Variants in PRKAR1B observed in about 807,000 individuals in gnomAD.
The protein encoded by PRKAR1B is protein kinase cAMP-dependent type I regulatory subunit beta, also known as cAMP-dependent protein kinase type I-beta regulatory subunit.
In PRKAR1B, 22 loss-of-function variants were observed where a neutral mutation model predicts 46.5. That is an observed-to-expected ratio of 0.47 (90% CI 0.34 to 0.68). PRKAR1B has a LOEUF of 0.68. Among genes scored for constraint, PRKAR1B ranks in the 30% least tolerant of loss-of-function variants. The pLI, the probability that PRKAR1B is intolerant of heterozygous loss-of-function variation, is 0.01. For synonymous variants in PRKAR1B, 259 were observed against 217.7 expected (o/e 1.19, Z -1.67); for missense variants, 445 against 535.6 (o/e 0.83, Z 1.67).
chr7:610,858 C>T (rs1303693419), intron 4 of PRKAR1B, among the ~76,000 whole-genome samples: 1 of 152,264 alleles, frequency 6.6e-6, no homozygotes, highest in Non-Finnish European at 1.5e-5. Flanking sequence ...AATCGTCTCA[C>T]ATGTGGGTTG....
intron 1 of PRKAR1B, among the ~76,000 whole-genome samples, chr7:725,617 A>G (rs1485916943): frequency 2.0e-5 from 3 of 152,248 alleles, no homozygotes; most frequent in Non-Finnish European, 4.4e-5. Context: ...AACAAAGATG[A>G]TAACAGCCCT....
chr7:550,239 CT>C lies in PRKAR1B; in HGVS notation c.*190del. 1.7e-6 allele frequency: 1 copy of C among 590,578 alleles called. No individual in the cohort carries two copies. Among genetic ancestry groups the C allele is most frequent in the Non-Finnish European group, 3.0e-6 (1 of 331,960 alleles). 36.6% of individuals were successfully genotyped at this position (590,578 alleles called of 1,614,324 possible). ...TTGGGATGCATTTTGTCCGCTTGTC[CT>C]TTGATTTGGAAATGCACAAGGTGAT... On this transcript the variant is annotated 3_prime_UTR_variant, in exon 11 of 11. Coordinates refer to ENST00000537384, the MANE Select transcript of PRKAR1B (RefSeq NM_001164760.2).
At chr7:575,540 G>C (rs767624568) in intron 9 of PRKAR1B, among the ~76,000 whole-genome samples, 10 of 151,962 alleles carry the variant, frequency 6.6e-5, no homozygotes, top group Non-Finnish European at 1.2e-4. Context: ...ATCTTTTTTT[G>C]TTTTTGGTTT....
intron 9 of PRKAR1B, among the ~76,000 whole-genome samples, chr7:563,809 AG>A: frequency 6.6e-6 from 1 of 151,820 alleles, no homozygotes; most frequent in East Asian, 1.9e-4. Flanking sequence ...GTGTGTGCAC[AG>A]GTGTGCCTGT....
Position 608,995 on chromosome 7 carries a change from T to G in PRKAR1B, c.441-1543A>C, listed in dbSNP as rs1289403581. 1.2e-3 allele frequency among the ~76,000 whole-genome samples: 142 copies of G among 117,002 alleles called. 2 individuals are homozygous for G. Among genetic ancestry groups the G allele is most frequent in the African/African-American group, 2.3e-3 (74 of 31,820 alleles). 76.8% of individuals were successfully genotyped at this position (117,002 alleles called of 152,430 possible). ...CCTCCCACCTGGGGAGGGGTCAGTG[T>G]GTGGCAGGGCTGTAGGGAGGGCCGG... On this transcript the variant is annotated intron_variant, in intron 4 of 10. Coordinates refer to ENST00000537384, the MANE Select transcript of PRKAR1B (RefSeq NM_001164760.2).
At chr7:613,449 T>A (rs1782637193) in intron 4 of PRKAR1B, among the ~76,000 whole-genome samples, 1 of 152,194 alleles carries the variant, frequency 6.6e-6, no homozygotes, top group African/African-American at 2.4e-5. Context: ...TGTGCTTTTC[T>A]GAGTGTGGCA....
intron 3 of PRKAR1B, 88 bp downstream of exon 3, chr7:680,468 G>C: frequency 1.5e-6 from 2 of 1,315,064 alleles, no homozygotes; most frequent in Non-Finnish European, 2.0e-6. Context: ...AGGAGGATGA[G>C]GGTGCCCCGT....
chr7:572,620 C>T (rs1253528104), intron 9 of PRKAR1B, among the ~76,000 whole-genome samples: 1 of 152,188 alleles, frequency 6.6e-6, no homozygotes, highest in Non-Finnish European at 1.5e-5. Context: ...AAATCAGCTC[C>T]CAAAACAATC....
At chr7:702,377 C>A (rs1046616976) in intron 2 of PRKAR1B, among the ~76,000 whole-genome samples, 1 of 151,962 alleles carries the variant, frequency 6.6e-6, no homozygotes, top group African/African-American at 2.4e-5. Context: ...TCAATAATTA[C>A]ATTAAATGTA....
chr7:550,302 T>G lies in PRKAR1B; in HGVS notation c.*128A>C. Reference sequence around the variant, plus strand: ...AAAAGTGAGTCCGGGGAAGGGGCAGTCCTCACGCTGCCGGGACCCAGCCCC... The same window carrying G: ...AAAAGTGAGTCCGGGGAAGGGGCAGGCCTCACGCTGCCGGGACCCAGCCCC... On this transcript the variant is annotated 3_prime_UTR_variant, in exon 11 of 11. Coordinates refer to ENST00000537384, the MANE Select transcript of PRKAR1B (RefSeq NM_001164760.2). 1.4e-6 allele frequency: 1 copy of G among 734,374 alleles called. No individual in the cohort carries two copies. The highest frequency in any genetic ancestry group is 2.3e-6 in the Non-Finnish European group (1 of 437,082). 45.5% of individuals were successfully genotyped at this position (734,374 alleles called of 1,614,324 possible).
At chr7:697,098 C>A (rs1779781945) in intron 2 of PRKAR1B, 1 of 152,278 alleles carries the variant, frequency 6.6e-6, no homozygotes, top group Non-Finnish European at 1.5e-5. Context: ...ATCTTCGTAA[C>A]AACACTGTGG....
chr7:661,944 C>T (rs1170490707), intron 4 of PRKAR1B, among the ~76,000 whole-genome samples: 4 of 103,970 alleles, frequency 3.8e-5, no homozygotes, highest in Non-Finnish European at 5.9e-5. Flanking sequence ...ACCTACTCTT[C>T]CCCTCCATGG....
At chr7:596,468 GC>G (rs1781270919) in intron 6 of PRKAR1B, among the ~76,000 whole-genome samples, 164 bp from the exon 7 acceptor site, 2 of 152,216 alleles carry the variant, frequency 1.3e-5, no homozygotes, top group Non-Finnish European at 2.9e-5. Context: ...CCAGCAATGG[GC>G]CTGTGGACCC....
At chr7:569,842 G>A (rs578129324) in intron 9 of PRKAR1B, among the ~76,000 whole-genome samples, 11 of 152,248 alleles carry the variant, frequency 7.2e-5, no homozygotes, top group African/African-American at 1.9e-4. Flanking sequence ...CAGACCCCAC[G>A]GACAGGGCCA....
At chr7:590,374 G>A (rs1780905552) in intron 7 of PRKAR1B, among the ~76,000 whole-genome samples, 1 of 152,224 alleles carries the variant, frequency 6.6e-6, no homozygotes, top group African/African-American at 2.4e-5. Flanking sequence ...ACAGCTGGGT[G>A]CAGCCACTGG....
At chr7:686,597 T>C (rs1470579143) in intron 2 of PRKAR1B, among the ~76,000 whole-genome samples, 2 of 152,140 alleles carry the variant, frequency 1.3e-5, no homozygotes, top group African/African-American at 4.8e-5. Flanking sequence ...TTTATTAAAG[T>C]ATAAATCAGG....
chr7:582,960 AC>A (rs1780281789), intron 8 of PRKAR1B, among the ~76,000 whole-genome samples: 1 of 152,178 alleles, frequency 6.6e-6, no homozygotes, highest in Admixed American at 6.5e-5. Flanking sequence ...TAGAATTAAA[AC>A]CAGACACAAA....
intron 2 of PRKAR1B, among the ~76,000 whole-genome samples, chr7:707,503 C>T (rs555974582): frequency 3.9e-5 from 6 of 152,110 alleles, no homozygotes; most frequent in African/African-American, 1.4e-4. Flanking sequence ...CCAAGAAGGC[C>T]GCTGGGATCC....
intron 7 of PRKAR1B, among the ~76,000 whole-genome samples, chr7:586,867 G>A (rs1036384603): frequency 6.6e-6 from 1 of 151,088 alleles, no homozygotes; most frequent in African/African-American, 2.4e-5. Context: ...TGGTGAAGGA[G>A]GGTCATTTAT....
Sources: allele counts gnomAD v4.1 joint callset (sites outside exome capture counted in the v4.1 genomes callset), GRCh38; gene constraint gnomAD v4.1.1; transcripts MANE v1.5; gene names NCBI Gene and HGNC (gene_info 2026-07-23, HGNC 2026-07-21).